Variants in ASB4 observed in about 807,000 individuals in gnomAD.
ASB4 encodes the protein ankyrin repeat and SOCS box protein 4.
Under a neutral mutation model 38.6 loss-of-function variants are expected in ASB4, and 35 were observed. That is an observed-to-expected ratio of 0.91 (90% CI 0.69 to 1.20). ASB4 has a LOEUF of 1.20. Among genes scored for constraint, ASB4 ranks in the 50% most tolerant of loss-of-function variants. The pLI is 0.00. For synonymous variants in ASB4, 195 were observed against 201.3 expected (o/e 0.97, Z 0.26); for missense variants, 557 against 527.2 (o/e 1.06, Z -0.55).
chr7:95,471,572 T>C, the ASB4 span, among the ~76,000 whole-genome samples: 2 of 152,186 alleles, frequency 1.3e-5, no homozygotes, highest in Non-Finnish European at 2.9e-5. Flanking sequence ...ACTGTCAGTG[T>C]ACTTCTGTGA....
intron 2 of ASB4, among the ~76,000 whole-genome samples, chr7:95,500,781 TA>T (rs1790325182): frequency 6.6e-6 from 1 of 152,150 alleles, no homozygotes; most frequent in Admixed American, 6.5e-5. Flanking sequence ...CTTCAACTGT[TA>T]TTTCTATGAA....
chr7:95,484,290 C>A (rs549072748), upstream of ASB4, among the ~76,000 whole-genome samples: 15 of 152,180 alleles, frequency 9.9e-5, no homozygotes, highest in African/African-American at 3.1e-4. Context: ...CCAGATCACA[C>A]CACTGTGCTC....
intron 2 of ASB4, among the ~76,000 whole-genome samples, chr7:95,501,582 T>G (rs1790338219): frequency 6.6e-6 from 1 of 152,274 alleles, no homozygotes; most frequent in South Asian, 2.1e-4. Flanking sequence ...GTCATCCTGC[T>G]ATACATTAGA....
At chr7:95,508,648 T>G (rs1417869480) in intron 2 of ASB4, among the ~76,000 whole-genome samples, 1 of 152,124 alleles carries the variant, frequency 6.6e-6, no homozygotes, top group African/African-American at 2.4e-5. Context: ...GTGCAGGCAC[T>G]GAGACAGCAG....
chr7:95,550,576 G>A, the ASB4 span, among the ~76,000 whole-genome samples: 1 of 152,098 alleles, frequency 6.6e-6, no homozygotes, highest in Admixed American at 6.5e-5. Flanking sequence ...GCTGGAGCTC[G>A]CTATACCTCT....
At chr7:95,516,528 A>G (rs1483332860) in intron 2 of ASB4, among the ~76,000 whole-genome samples, 6 of 152,196 alleles carry the variant, frequency 3.9e-5, no homozygotes, top group Non-Finnish European at 2.9e-5. Context: ...CCAAAGGATG[A>G]GAAGCAATAT....
intron 2 of ASB4, among the ~76,000 whole-genome samples, chr7:95,500,161 CAGAAAGCATAGACATTTTCATA>C (rs1234776976): frequency 2.0e-5 from 3 of 151,720 alleles, no homozygotes; most frequent in African/African-American, 7.3e-5. Context: ...GAGAGGAGAG[CAGAAAGCATAGACATTTTCATA>C]AGAATGGAGA....
At chr7:95,482,915 A>G (rs914016367), upstream of ASB4, among the ~76,000 whole-genome samples, 1 of 152,164 alleles carries the variant, frequency 6.6e-6, no homozygotes, top group African/African-American at 2.4e-5. Flanking sequence ...AAGTTCGAGG[A>G]CACTGAGGTT....
chr7:95,508,830 A>G (rs1286094791), intron 2 of ASB4, among the ~76,000 whole-genome samples: 2 of 152,238 alleles, frequency 1.3e-5, no homozygotes, highest in East Asian at 1.9e-4. Flanking sequence ...CAAAGAGAAC[A>G]CAGAGAGGGA....
At chr7:95,548,878 C>T in the ASB4 span, among the ~76,000 whole-genome samples, 1 of 151,910 alleles carries the variant, frequency 6.6e-6, no homozygotes, top group African/African-American at 2.4e-5. Context: ...TTACTATAAC[C>T]CTATGAGGAA....
At chr7:95,514,870 C>T (rs1233540851) in intron 2 of ASB4, among the ~76,000 whole-genome samples, 2 of 152,234 alleles carry the variant, frequency 1.3e-5, no homozygotes, top group Non-Finnish European at 2.9e-5. Context: ...TTTATGAGAC[C>T]TAAGGAGATG....
chr7:95,495,856 G>A lies in ASB4; in HGVS notation c.286G>A (p.Asp96Asn), dbSNP rs147798502. 7 of 1,613,594 alleles carry A rather than the reference G, an allele frequency of 4.3e-6. No homozygotes were observed. In the African/African-American group the frequency reaches 9.4e-5, roughly 22 times the overall value. ...TGTGGAATGTCTTCTGGTGCTACTG[G>A]ACCACAATGCTACAATCAACTGTAG... ...GHVECLLVLL[D>N]HNATINCRPN... The change falls in exon 2 of 5, where the codon GAC becomes AAC. Residue 96 changes from aspartate to asparagine, a missense_variant. Coordinates refer to ENST00000325885, the MANE Select transcript of ASB4 (RefSeq NM_016116.3).
chr7:95,485,872 TA>T, upstream of ASB4: 1 of 1,023,402 alleles, frequency 9.8e-7, no homozygotes, highest in Non-Finnish European at 1.4e-6. Flanking sequence ...AACTTTGGGA[TA>T]AAATTAGCCG....
intron 2 of ASB4, among the ~76,000 whole-genome samples, chr7:95,519,585 A>T (rs2116631733): frequency 6.6e-6 from 1 of 152,330 alleles, no homozygotes; most frequent in Non-Finnish European, 1.5e-5. Context: ...CATGGATCAA[A>T]CATCTCAGAT....
chr7:95,478,128 T>G (rs1789993766), upstream of ASB4, among the ~76,000 whole-genome samples: 1 of 152,220 alleles, frequency 6.6e-6, no homozygotes, highest in Non-Finnish European at 1.5e-5. Flanking sequence ...AGGATAATTT[T>G]TTTTTCTTAC....
At position 95,502,131 on chromosome 7, in the gene ASB4, T is replaced by TA. The variant is rs143072407; in HGVS notation, c.487+6081dup. The stretch of plus-strand genomic sequence containing the variant: ...TAAAAAAAAAAGAGAGAGAAAGAGG[T>TA]AAAAAAAGAAAAAGAACAAAACGAC... On this transcript the variant is annotated intron_variant, in intron 2 of 4. Transcript: ENST00000325885. 3.8e-4 allele frequency among the ~76,000 whole-genome samples: 54 copies of TA among 142,984 alleles called. No individual in the cohort carries two copies. The East Asian group carries it at 9.5e-3, about 25-fold the overall frequency. The allele number at this position is 142,984 out of a possible 152,430, so 93.8% of individuals were successfully genotyped here.
downstream of ASB4, among the ~76,000 whole-genome samples, chr7:95,541,706 T>C (rs376580474): frequency 8.5e-5 from 13 of 152,232 alleles, no homozygotes; most frequent in South Asian, 2.3e-3. Flanking sequence ...TATGGAAAAA[T>C]TTAGTCACTT....
intron 3 of ASB4, among the ~76,000 whole-genome samples, chr7:95,535,677 T>C (rs1790881075): frequency 6.6e-6 from 1 of 152,214 alleles, no homozygotes; most frequent in Non-Finnish European, 1.5e-5. Flanking sequence ...CCATCTTGAC[T>C]AAGCTTTCAA....
intron 3 of ASB4, among the ~76,000 whole-genome samples, chr7:95,535,281 G>A (rs1319025766): frequency 6.6e-6 from 1 of 152,214 alleles, no homozygotes; most frequent in African/African-American, 2.4e-5. Flanking sequence ...ACAGTAATAG[G>A]TTGAGGTTGA....
Sources: gnomAD v4.1 joint callset for allele counts (sites outside exome capture counted in the v4.1 genomes callset) on GRCh38, gnomAD v4.1.1 for gene constraint, MANE v1.5 for transcripts, NCBI Gene and HGNC (gene_info 2026-07-23, HGNC 2026-07-21) for gene names.